The following ZNF267 variants were observed in gnomAD, a reference collection of about 807,000 sequenced individuals.
The protein encoded by ZNF267 is zinc finger (C2H2).
A neutral mutation model predicts 71.6 loss-of-function variants in ZNF267; 61 were observed. That is an observed-to-expected ratio of 0.85 (90% confidence interval 0.69 to 1.05). The LOEUF is 1.05. Among genes scored for constraint, ZNF267 ranks in the 50% least tolerant of loss-of-function variants. The pLI is 0.00. For synonymous variants in ZNF267, 288 were observed against 293.2 expected, an observed-to-expected ratio of 0.98 and a Z score of 0.18; for missense variants, 852 against 870.0, an observed-to-expected ratio of 0.98 and a Z score of 0.26.
At chr16:31,898,712 A>G (rs893423592) in intron 3 of ZNF267, among the ~76,000 whole-genome samples, 1 of 152,052 alleles carries the variant, frequency 6.6e-6, no homozygotes, top group Admixed American at 6.6e-5. Flanking sequence ...CTGCCTCTCT[A>G]TGTCCCCTTA....
chr16:31,916,421 C>G lies in ZNF267; in HGVS notation c.2172C>G (p.Ala724=). The G allele has an allele frequency of 6.2e-7, 1 of 1,614,130 alleles. No homozygotes were observed. Among genetic ancestry groups the G allele is most frequent in the African/African-American group, 1.3e-5 (1 of 75,058 alleles). ...ACAAATGTGAAGAATGTGGCAAAGCCTTTAACTCTAGGTCATACCTCATTG... is the reference window on the plus strand; with the variant it reads ...ACAAATGTGAAGAATGTGGCAAAGCGTTTAACTCTAGGTCATACCTCATTG... The part of the protein sequence containing the change: ...RPYKCEECGK[A]FNSRSYLIAH... Residue 724 remains alanine, a synonymous_variant, in exon 4 of 4, where the codon GCC becomes GCG. Coordinates refer to ENST00000300870, the MANE Select transcript of ZNF267 (RefSeq NM_003414.6).
rs754059890 is a variant in ZNF267 at position 31,873,847 on chromosome 16, C to A, written c.-120C>A. ...CTCCTCGCCACAGCTCCGAGTCTTT[C>A]GTTCTGGGAGGCCCAGGCGGCTTCG... is the stretch of plus-strand genomic sequence containing the variant. On this transcript the variant is annotated 5_prime_UTR_variant, in exon 1 of 4. Coordinates refer to ENST00000300870, the MANE Select transcript of ZNF267 (RefSeq NM_003414.6). The A allele has an allele frequency of 3.0e-5, 42 of 1,404,828 alleles. No individual in the cohort carries two copies. Among genetic ancestry groups the A allele is most frequent in the Non-Finnish European group, 2.5e-5 (25 of 995,910 alleles). The allele number at this position is 1,404,828 out of a possible 1,614,324, so 87.0% of individuals were successfully genotyped here.
At chr16:31,906,563 A>G (rs1050720258) in intron 3 of ZNF267, among the ~76,000 whole-genome samples, 3 of 152,174 alleles carry the variant, frequency 2.0e-5, no homozygotes, top group Non-Finnish European at 2.9e-5. Context: ...CCGTGGGTGT[A>G]GGAACCTCCG....
intron 3 of ZNF267, among the ~76,000 whole-genome samples, chr16:31,892,688 G>A (rs747024440): frequency 5.3e-5 from 8 of 152,244 alleles, no homozygotes; most frequent in African/African-American, 1.9e-4. Flanking sequence ...TAAGCCCCAT[G>A]CAAGTCCAAA....
At chr16:31,900,757 C>CTTTTTTT (rs35863544) in intron 3 of ZNF267, among the ~76,000 whole-genome samples, 1 of 129,716 alleles carries the variant, frequency 7.7e-6, no homozygotes, top group Non-Finnish European at 1.6e-5. Flanking sequence ...AGAATTCTTT[C>CTTTTTTT]TTTTTTTTTT....
At position 31,915,294 on chromosome 16, in the gene ZNF267, C is replaced by G; in HGVS notation, c.1045C>G (p.Pro349Ala). 1 of 1,613,788 alleles carries G rather than the reference C, an allele frequency of 6.2e-7. No individual in the cohort carries two copies. The highest frequency in any genetic ancestry group is 8.5e-7 in the Non-Finnish European group (1 of 1,179,820). ...TCAGATCATTCCTACCGAAGAGAAACCCTGTAAATGGAAAGAATGTGGCAA... is the reference window on the plus strand; with the variant it reads ...TCAGATCATTCCTACCGAAGAGAAAGCCTGTAAATGGAAAGAATGTGGCAA... ...QHQIIPTEEK[P>A]CKWKECGKVF... The change falls in exon 4 of 4, where the codon CCC becomes GCC. Residue 349 changes from proline (P) to alanine (A), a missense_variant. Coordinates refer to ENST00000300870, the MANE Select transcript of ZNF267 (RefSeq NM_003414.6).
intron 3 of ZNF267, among the ~76,000 whole-genome samples, chr16:31,896,928 CAT>C (rs1424308043): frequency 6.6e-6 from 1 of 151,932 alleles, no homozygotes; most frequent in East Asian, 1.9e-4. Flanking sequence ...CATTTATTCA[CAT>C]ATATTTTATT....
intron 3 of ZNF267, among the ~76,000 whole-genome samples, chr16:31,897,191 G>A (rs2084006202): frequency 6.7e-6 from 1 of 149,778 alleles, no homozygotes; most frequent in Non-Finnish European, 1.5e-5. Context: ...ACTGTTAGGA[G>A]TAATAAATTC....
At chr16:31,887,334 A>G (rs2083931001) in intron 3 of ZNF267, among the ~76,000 whole-genome samples, 1 of 151,142 alleles carries the variant, frequency 6.6e-6, no homozygotes, top group African/African-American at 2.4e-5. Context: ...ATTTTCTCCC[A>G]GTCCCTGGGT....
Position 31,895,569 on chromosome 16 carries a change from T to C in ZNF267, c.226+10313T>C, listed in dbSNP as rs550406206. Among the ~76,000 whole-genome samples, 21 of 152,358 alleles carry C rather than the reference T, an allele frequency of 1.4e-4. No homozygotes were observed. In the South Asian group the frequency reaches 3.9e-3, roughly 29 times the overall value. On this transcript the variant is annotated intron_variant, in intron 3 of 3. Coordinates refer to ENST00000300870, the MANE Select transcript of ZNF267 (RefSeq NM_003414.6). ...ATACCATTTTCTATAGTGGCTATAC[T>C]AATTTATAATTCCACCAACAGTGTT...
Position 31,915,763 on chromosome 16 carries a change from C to T in ZNF267, c.1514C>T (p.Ser505Phe), listed in dbSNP as rs1396018545. 4.3e-6 allele frequency: 7 copies of T among 1,613,332 alleles called. No homozygotes were observed. The highest frequency in any genetic ancestry group is 5.9e-6 in the Non-Finnish European group (7 of 1,179,966). The change falls in exon 4 of 4, where the codon TCT becomes TTT. Residue 505 changes from serine (S) to phenylalanine (F), a missense_variant. Physicochemically the swap from Ser to Phe is radical, Grantham distance 155. Transcript: ENST00000300870. ...TGTGGCAAAGTCTTTAGCCGTAGTT[C>T]TTGCCTTACTCAACATCGGAAAATT... ...KECGKVFSRS[S>F]CLTQHRKIHT...
chr16:31,892,851 G>A (rs558607498), intron 3 of ZNF267, among the ~76,000 whole-genome samples: 29 of 152,316 alleles, frequency 1.9e-4, no homozygotes, highest in South Asian at 1.2e-3. Flanking sequence ...CCTCCTGGCC[G>A]CTTTTACTGG....
chr16:31,915,185 G>A lies in ZNF267; in HGVS notation c.936G>A (p.Lys312=). Residue 312 remains lysine, a synonymous_variant, in exon 4 of 4, where the codon AAG becomes AAA. Coordinates refer to ENST00000300870, the MANE Select transcript of ZNF267 (RefSeq NM_003414.6). The part of the protein sequence containing the change: ...KDLSQSSNLR[K]QIIHNEEKPY... ...TTAGTCAGTCATCAAATCTTAGAAAGCAGATAATCCATAATGAAGAGAAAC... is the reference window on the plus strand; with the variant it reads ...TTAGTCAGTCATCAAATCTTAGAAAACAGATAATCCATAATGAAGAGAAAC... 1.2e-6 allele frequency: 2 copies of A among 1,613,014 alleles called. No individual in the cohort carries two copies.
At chr16:31,887,359 C>G (rs2083931160) in intron 3 of ZNF267, among the ~76,000 whole-genome samples, 1 of 149,086 alleles carries the variant, frequency 6.7e-6, no homozygotes, top group African/African-American at 2.5e-5. Context: ...TTTTCATGTT[C>G]TGTGTTTGCT....
intron 3 of ZNF267, among the ~76,000 whole-genome samples, chr16:31,892,370 G>A (rs916960180): frequency 1.4e-4 from 22 of 152,154 alleles, no homozygotes; most frequent in Admixed American, 5.9e-4. Context: ...CAACACATGG[G>A]AATTGAAGAT....
chr16:31,900,926 A>C (rs2084035742), intron 3 of ZNF267, among the ~76,000 whole-genome samples: 1 of 151,860 alleles, frequency 6.6e-6, no homozygotes, highest in South Asian at 2.1e-4. Flanking sequence ...CATTAGGTAT[A>C]TCTTCTAATG....
At position 31,916,160 on chromosome 16, in the gene ZNF267, T is replaced by C; in HGVS notation, c.1911T>C (p.Cys637=). The change falls in exon 4 of 4, where the codon TGT becomes TGC. Residue 637 remains cysteine (C), a synonymous_variant. Coordinates refer to ENST00000300870, the MANE Select transcript of ZNF267 (RefSeq NM_003414.6). The part of the protein sequence containing the change: ...TGQRPYKCEE[C]GKAFNYRSYL... ...AGAGACCCTACAAATGTGAAGAATG[T>C]GGCAAAGCCTTCAACTATAGGTCAT... The C allele has an allele frequency of 1.2e-6, 2 of 1,614,190 alleles. No individual in the cohort carries two copies. Among genetic ancestry groups the C allele is most frequent in the East Asian group, 2.2e-5 (1 of 44,872 alleles).
chr16:31,887,161 TG>T (rs1358036983), intron 3 of ZNF267, among the ~76,000 whole-genome samples: 1 of 152,176 alleles, frequency 6.6e-6, no homozygotes, highest in Admixed American at 6.5e-5. Context: ...ATAATAACAT[TG>T]AGAACCTTTT....
intron 3 of ZNF267, among the ~76,000 whole-genome samples, chr16:31,905,585 T>TG (rs1270880003): frequency 6.6e-6 from 1 of 152,254 alleles, no homozygotes; most frequent in African/African-American, 2.4e-5. Flanking sequence ...AATCGGCTAC[T>TG]GAGGCTTGTG....
Sources: gnomAD v4.1 joint callset for allele counts (sites outside exome capture counted in the v4.1 genomes callset) on GRCh38, gnomAD v4.1.1 for gene constraint, MANE v1.5 for transcripts, NCBI Gene and HGNC (gene_info 2026-07-23, HGNC 2026-07-21) for gene names.